SIL1: variants seen among roughly 807,000 people sequenced by gnomAD.
SIL1 encodes nucleotide exchange factor SIL1.
A neutral mutation model predicts 49.1 loss-of-function variants in SIL1; 40 were observed. The ratio of observed to expected loss-of-function variants is 0.81; its 90% CI spans 0.63 to 1.06. The LOEUF is 1.06. Among genes scored for constraint, SIL1 ranks in the 50% least tolerant of loss-of-function variants. The probability of loss-of-function intolerance (pLI) is 0.00; values close to 1 mark genes in which losing one functional copy is unlikely to be tolerated. For synonymous variants in SIL1, 253 were observed against 250.8 expected (o/e 1.01, Z -0.08); for missense variants, 500 against 572.6 (o/e 0.87, Z 1.29).
intron 4 of SIL1, among the ~76,000 whole-genome samples, chr5:139,046,063 T>C (rs1769152920): frequency 1.3e-5 from 2 of 152,218 alleles, no homozygotes; most frequent in Admixed American, 1.3e-4. Flanking sequence ...GCGCGGTGGC[T>C]CATGCCTGCA....
intron 7 of SIL1, among the ~76,000 whole-genome samples, chr5:139,007,493 C>G (rs1264981203): frequency 1.9e-5 from 2 of 103,306 alleles, no homozygotes; most frequent in Non-Finnish European, 3.8e-5. Flanking sequence ...ACTTCCAACA[C>G]TATGTTGAAT....
chr5:139,011,353 C>G (rs998465011), intron 7 of SIL1, among the ~76,000 whole-genome samples: 17 of 152,252 alleles, frequency 1.1e-4, no homozygotes, highest in African/African-American at 3.9e-4. Flanking sequence ...CTGGCCTGCG[C>G]CCACTGTCTG....
chr5:138,970,328 A>G (rs1156752698), intron 7 of SIL1, among the ~76,000 whole-genome samples: 2 of 152,230 alleles, frequency 1.3e-5, no homozygotes, highest in Non-Finnish European at 2.9e-5. Flanking sequence ...GTGCAAAGCA[A>G]AGTGTTAGGT....
intron 7 of SIL1, among the ~76,000 whole-genome samples, chr5:138,990,785 G>A (rs1469988505): frequency 1.3e-5 from 2 of 152,126 alleles, no homozygotes; most frequent in Non-Finnish European, 2.9e-5. Flanking sequence ...GCGCGATCTC[G>A]GCTCACCGCA....
In SIL1 at chr5:139,111,893, G is replaced by T. The variant is rs557417124; in HGVS notation, c.244+9142C>A. The stretch of plus-strand genomic sequence containing the variant: ...CTTTCCACGGTCTCCCTCTGATGCC[G>T]AGCCAAAGCTGGACTGTACTGCTGC... On this transcript the variant is annotated intron_variant, in intron 3 of 9. Coordinates refer to ENST00000394817, the MANE Select transcript of SIL1 (RefSeq NM_022464.5). Among the ~76,000 whole-genome samples the T allele has an allele frequency of 5.2e-3, 793 of 152,246 alleles. 9 individuals are homozygous for T. The highest frequency in any genetic ancestry group is 0.018 in the African/African-American group (749 of 41,544).
chr5:139,073,469 T>C (rs1343591427), intron 3 of SIL1, among the ~76,000 whole-genome samples: 1 of 152,176 alleles, frequency 6.6e-6, no homozygotes, highest in African/African-American at 2.4e-5. Context: ...CCCTTACATG[T>C]GGAATCTAAA....
In SIL1 at chr5:139,042,763, C is replaced by A. The variant is rs546515875; in HGVS notation, c.354-44G>T. 2.0e-5 allele frequency: 31 copies of A among 1,557,994 alleles called. No homozygotes were observed. The East Asian group carries it at 4.0e-4, about 20-fold the overall frequency. ...GAGTAAAGAGGGAGGCATGGCTAGG[C>A]TTGGTGGCTCACAGTTGTAATCCCA... On this transcript the variant is annotated intron_variant, in intron 4 of 9. Transcript: ENST00000394817.
intron 3 of SIL1, among the ~76,000 whole-genome samples, chr5:139,106,664 A>T (rs1770719643): frequency 6.6e-6 from 1 of 152,200 alleles, no homozygotes; most frequent in Admixed American, 6.5e-5. Context: ...ACCTGACTTC[A>T]AAGCAAAAAT....
intron 7 of SIL1, chr5:139,017,280 A>T (rs1221157940): frequency 6.6e-6 from 1 of 152,166 alleles, no homozygotes; most frequent in Non-Finnish European, 1.5e-5. Context: ...TTATAAAGGG[A>T]TATATATAAC....
At chr5:139,057,681 A>C (rs1581066522) in intron 3 of SIL1, among the ~76,000 whole-genome samples, 2 of 152,240 alleles carry the variant, frequency 1.3e-5, no homozygotes, top group African/African-American at 4.8e-5. Flanking sequence ...GGGAACCAAA[A>C]GCATCTGCTT....
intron 5 of SIL1, among the ~76,000 whole-genome samples, chr5:139,031,423 T>C (rs1459689104): frequency 6.6e-6 from 1 of 152,240 alleles, no homozygotes; most frequent in Non-Finnish European, 1.5e-5. Context: ...CAGTCAGTTG[T>C]ATTAGTGTGG....
At chr5:138,980,701 G>A (rs993189349) in intron 7 of SIL1, among the ~76,000 whole-genome samples, 2 of 152,212 alleles carry the variant, frequency 1.3e-5, no homozygotes, top group African/African-American at 4.8e-5. Flanking sequence ...AGCAAGGACA[G>A]AGGATGAAAA....
intron 3 of SIL1, among the ~76,000 whole-genome samples, chr5:139,085,551 G>C (rs1192727713): frequency 6.6e-6 from 1 of 152,130 alleles, no homozygotes; most frequent in Admixed American, 6.6e-5. Context: ...ATAAGTGATG[G>C]GACAGAGCAA....
At chr5:139,170,400 G>A (rs1197849641) in intron 1 of SIL1, among the ~76,000 whole-genome samples, 10 of 151,358 alleles carry the variant, frequency 6.6e-5, no homozygotes, top group African/African-American at 1.5e-4. Context: ...CTGCCCGGCC[G>A]CCATCCCATC....
intron 1 of SIL1, among the ~76,000 whole-genome samples, chr5:139,153,054 G>C (rs1751338055): frequency 6.6e-6 from 1 of 152,204 alleles, no homozygotes; most frequent in Non-Finnish European, 1.5e-5. Flanking sequence ...CTGACCTTAG[G>C]TGATCCGCCC....
At chr5:139,105,896 T>C (rs1011410240) in intron 3 of SIL1, among the ~76,000 whole-genome samples, 1 of 152,170 alleles carries the variant, frequency 6.6e-6, no homozygotes, top group African/African-American at 2.4e-5. Flanking sequence ...TTTCTCTCTG[T>C]GCAGGGAAAA....
intron 1 of SIL1, among the ~76,000 whole-genome samples, chr5:139,172,790 G>T (rs528956163): frequency 3.2e-4 from 49 of 152,134 alleles, no homozygotes; most frequent in African/African-American, 1.2e-3. Context: ...CAGCTGTTGC[G>T]GCCACAGTGA....
Position 138,985,416 on chromosome 5 carries a change from T to G in SIL1, c.768-33532A>C, listed in dbSNP as rs142695926. On this transcript the variant is annotated intron_variant, in intron 7 of 9. Transcript: ENST00000394817. ...CTGACTCCTGTGTAAATGAGCTGCC[T>G]GCAGCCTGACTCACGGCAGCTCAAA... Among the ~76,000 whole-genome samples the G allele has an allele frequency of 6.9e-3, 1,053 of 152,334 alleles. 12 individuals are homozygous for G. The highest frequency in any genetic ancestry group is 0.02 in the African/African-American group (812 of 41,574).
intron 7 of SIL1, among the ~76,000 whole-genome samples, chr5:139,001,956 A>G (rs1256548355): frequency 6.6e-6 from 1 of 151,760 alleles, no homozygotes; most frequent in East Asian, 1.9e-4. Flanking sequence ...CACGGCTGTA[A>G]TCCTAGGACT....
Sources: gnomAD v4.1 joint callset for allele counts (sites outside exome capture counted in the v4.1 genomes callset) on GRCh38, gnomAD v4.1.1 for gene constraint, MANE v1.5 for transcripts, NCBI Gene and HGNC (gene_info 2026-07-23, HGNC 2026-07-21) for gene names.